The following TRAPPC13 variants were observed in gnomAD, a reference collection of about 807,000 sequenced individuals.
The protein encoded by TRAPPC13 is REV7-interacting novel NHEJ regulator 1.
In TRAPPC13, 39 loss-of-function variants were observed where a neutral mutation model predicts 54.0. The ratio of observed to expected loss-of-function variants is 0.72; its 90% confidence interval spans 0.56 to 0.94. The LOEUF is 0.94. Among genes scored for constraint, TRAPPC13 ranks in the 40% least tolerant of loss-of-function variants. TRAPPC13 has a pLI of 0.00. For missense variants in TRAPPC13, 386 were observed against 488.1 expected, an observed-to-expected ratio of 0.79 and a Z score of 1.97; for synonymous variants, 148 against 167.7, an observed-to-expected ratio of 0.88 and a Z score of 0.91.
rs140435756 is a variant in TRAPPC13 at position 65,633,932 on chromosome 5, AT to A, written c.47-1360del. ...TTTTTAACTTCTAATCCTTTAATTGATTTTTTTTTGTCAAGAGGTTGTTTTT... is the reference window on the plus strand; with the variant it reads ...TTTTTAACTTCTAATCCTTTAATTGATTTTTTTTGTCAAGAGGTTGTTTTT... On this transcript the variant is annotated intron_variant, in intron 1 of 12. Transcript: ENST00000399438. 3.9e-5 allele frequency among the ~76,000 whole-genome samples: 4 copies of A among 102,382 alleles called. No individual in the cohort carries two copies. In the East Asian group the frequency reaches 9.0e-4, roughly 23 times the overall value. The allele number at this position is 102,382 out of a possible 152,430, so 67.2% of individuals were successfully genotyped here. A position where few individuals can be genotyped will look rare whatever the true frequency, so the allele number is the denominator to read the frequency against.
At chr5:65,656,301 T>G (rs1164442972) in intron 8 of TRAPPC13, among the ~76,000 whole-genome samples, 1 of 152,238 alleles carries the variant, frequency 6.6e-6, no homozygotes, top group Admixed American at 6.5e-5. Flanking sequence ...CTGCTTGTTT[T>G]TCTTTCGTTT....
chr5:65,633,732 TAG>T (rs751810928), intron 1 of TRAPPC13, among the ~76,000 whole-genome samples: 1 of 152,062 alleles, frequency 6.6e-6, no homozygotes, highest in East Asian at 1.9e-4. Flanking sequence ...AAAAAAATTA[TAG>T]AGTGTTTACT....
chr5:65,629,895 C>G, intron 1 of TRAPPC13: 9 of 1,536,074 alleles, frequency 5.9e-6, no homozygotes, highest in Non-Finnish European at 7.8e-6. Context: ...CAGCATTTAA[C>G]CTGGTCACAC....
chr5:65,657,573 A>G lies in TRAPPC13; in HGVS notation c.565-795A>G, dbSNP rs151128594. Among the ~76,000 whole-genome samples the G allele has an allele frequency of 3.7e-3, 566 of 152,346 alleles. 1 individual carries two copies. Among genetic ancestry groups the G allele is most frequent in the Non-Finnish European group, 6.3e-3 (429 of 68,028 alleles). On this transcript the variant is annotated intron_variant, in intron 8 of 12. Transcript: ENST00000399438. ...TTATCCTTCAATTACATGAAGGAAA[A>G]TAATAACCAAATAGCATAAAATAAT...
intron 2 of TRAPPC13, among the ~76,000 whole-genome samples, chr5:65,635,700 C>T (rs1283827823): frequency 6.6e-6 from 1 of 151,070 alleles, no homozygotes; most frequent in Non-Finnish European, 1.5e-5. Flanking sequence ...ATTATTGGGG[C>T]TTTCTCTAGT....
At chr5:65,630,070 A>G in intron 1 of TRAPPC13, 1 of 1,536,124 alleles carries the variant, frequency 6.5e-7, no homozygotes, top group Non-Finnish European at 8.7e-7. Context: ...CACTAAATTT[A>G]CACTCACTTT....
At position 65,664,702 on chromosome 5, in the gene TRAPPC13, AAT is replaced by A. The variant is rs1756976368; in HGVS notation, c.*94_*95del. The A allele has an allele frequency of 3.5e-6, 3 of 864,696 alleles. No individual in the cohort carries two copies. The highest frequency in any genetic ancestry group is 5.5e-6 in the Non-Finnish European group (3 of 547,552). 53.6% of individuals were successfully genotyped at this position (864,696 alleles called of 1,614,324 possible). The stretch of plus-strand genomic sequence containing the variant: ...AAATGATGACGTCAACAACGAAGTA[AAT>A]ATGTTACTTAAATTTTCTTTCCTGT... On this transcript the variant is annotated 3_prime_UTR_variant, in exon 13 of 13. Transcript: ENST00000399438.
chr5:65,638,937 A>G (rs891686820), intron 4 of TRAPPC13, among the ~76,000 whole-genome samples: 1 of 152,116 alleles, frequency 6.6e-6, no homozygotes, highest in African/African-American at 2.4e-5. Flanking sequence ...TACAGAAATT[A>G]GCCAGGAGTG....
At chr5:65,625,288 T>A (rs2150652650) in intron 1 of TRAPPC13, 182 bp downstream of exon 1, 2 of 602,652 alleles carry the variant, frequency 3.3e-6, no homozygotes, top group South Asian at 4.1e-5. Flanking sequence ...ATGGGCCCCT[T>A]TCTAGAACGA....
At chr5:65,639,493 T>G (rs2150671615) in intron 4 of TRAPPC13, among the ~76,000 whole-genome samples, 1 of 152,220 alleles carries the variant, frequency 6.6e-6, no homozygotes, top group East Asian at 1.9e-4. Context: ...GACTCCCATC[T>G]CTACAAACAA....
At position 65,634,086 on chromosome 5, in the gene TRAPPC13, T is replaced by C. The variant is rs574531007; in HGVS notation, c.47-1215T>C. Among the ~76,000 whole-genome samples the C allele has an allele frequency of 6.1e-4, 87 of 143,432 alleles. 1 individual carries two copies. Among genetic ancestry groups the C allele is most frequent in the African/African-American group, 2.1e-3 (81 of 39,122 alleles). 94.1% of individuals were successfully genotyped at this position (143,432 alleles called of 152,430 possible). A position where few individuals can be genotyped will look rare whatever the true frequency, so the allele number is the denominator to read the frequency against. The stretch of plus-strand genomic sequence containing the variant: ...CTGCAACCTCCGCCTCCCGGCTTCA[T>C]GCCATTCTCCTGCCTCAGCCTGCCG... On this transcript the variant is annotated intron_variant, in intron 1 of 12. Transcript: ENST00000399438.
intron 1 of TRAPPC13, among the ~76,000 whole-genome samples, chr5:65,628,924 TCTC>T (rs753539785): frequency 3.8e-4 from 58 of 152,044 alleles, no homozygotes; most frequent in Middle Eastern, 6.8e-3. Context: ...TTCAAGCTAT[TCTC>T]CTGCCTCAGC....
rs753483534 is a variant in TRAPPC13, at chr5:65,625,105, A to G, written c.45A>G (p.Lys15=). Residue 15 remains lysine (K), a splice_region_variant and synonymous_variant, in exon 1 of 13, where the codon AAA becomes AAG. Transcript: ENST00000399438. ...PPKQEHLLAL[K]VMRLTKPTLF... ...AACAGGAGCACCTGCTGGCGCTAAA[A>G]GGTAAACTTTTGCGAACCTGATTCC... The G allele has an allele frequency of 4.3e-6, 7 of 1,613,536 alleles. 1 individual carries two copies. The highest frequency in any genetic ancestry group is 5.9e-6 in the Non-Finnish European group (7 of 1,179,478).
intron 1 of TRAPPC13, chr5:65,630,128 CTG>C (rs1403608744): frequency 1.0e-5 from 16 of 1,536,016 alleles, no homozygotes; most frequent in Non-Finnish European, 1.4e-5. Flanking sequence ...CAGCCAAACT[CTG>C]GAAGACATTT....
rs1398042040 is a variant in TRAPPC13 at position 65,665,858 on chromosome 5, G to GGTAA, written c.*1250_*1253dup. 1 of 152,470 alleles carries GGTAA rather than the reference G, an allele frequency of 6.6e-6. No homozygotes were observed. Among genetic ancestry groups the GGTAA allele is most frequent in the African/African-American group, 2.4e-5 (1 of 41,432 alleles). 9.4% of individuals were successfully genotyped at this position (152,470 alleles called of 1,614,324 possible). ...TGTTAAATAAAAGCTATTCTATTTTGGTAAGTTGAAATTCAAGAATGTATA... is the reference window on the plus strand; with the variant it reads ...TGTTAAATAAAAGCTATTCTATTTTGGTAAGTAAGTTGAAATTCAAGAATGTATA... On this transcript the variant is annotated 3_prime_UTR_variant, in exon 13 of 13. Coordinates refer to ENST00000399438, the MANE Select transcript of TRAPPC13 (RefSeq NM_024941.4).
intron 4 of TRAPPC13, among the ~76,000 whole-genome samples, chr5:65,646,000 A>G (rs937086705): frequency 5.3e-5 from 8 of 152,096 alleles, no homozygotes; most frequent in African/African-American, 1.9e-4. Context: ...ATTGCCTACT[A>G]TGTGCCAGGC....
At chr5:65,651,009 G>T (rs154853) in intron 6 of TRAPPC13, 127 bp downstream of exon 6, 418,957 of 670,304 alleles carry the variant, frequency 0.63, 132,901 homozygotes, top group South Asian at 0.66. Context: ...ATTTTTGAAT[G>T]TGTCATATGA....
rs756279049 is a variant in TRAPPC13 at position 65,664,100 on chromosome 5, TATA to T, written c.999-133_999-131del. The T allele has an allele frequency of 5.5e-6, 5 of 908,486 alleles. No homozygotes were observed. The East Asian group carries it at 7.5e-5, about 14-fold the overall frequency. The allele number at this position is 908,486 out of a possible 1,614,324, so 56.3% of individuals were successfully genotyped here. A position where few individuals can be genotyped will look rare whatever the true frequency, so the allele number is the denominator to read the frequency against. On this transcript the variant is annotated intron_variant, in intron 11 of 12. Coordinates refer to ENST00000399438, the MANE Select transcript of TRAPPC13 (RefSeq NM_024941.4). ...CTATCTTAAGTGACATAAAAAATGT[TATA>T]ATAGCTTTTCTCTTTCTGGTTTTTA...
rs1454690222 is a variant in TRAPPC13, at chr5:65,634,221, G to A, written c.47-1080G>A. 6.6e-5 allele frequency among the ~76,000 whole-genome samples: 10 copies of A among 152,122 alleles called. No homozygotes were observed. In the East Asian group the frequency reaches 7.8e-4, roughly 12 times the overall value. On this transcript the variant is annotated intron_variant, in intron 1 of 12. Coordinates refer to ENST00000399438, the MANE Select transcript of TRAPPC13 (RefSeq NM_024941.4). ...AGGATAGTCTCAATCTCTTGACCTC[G>A]TGATCCGCCCGCCTTGGCCTCCCAA... is the stretch of plus-strand genomic sequence containing the variant.
Sources: gnomAD v4.1 joint callset for allele counts (sites outside exome capture counted in the v4.1 genomes callset) on GRCh38, gnomAD v4.1.1 for gene constraint, MANE v1.5 for transcripts, NCBI Gene and HGNC (gene_info 2026-07-23, HGNC 2026-07-21) for gene names.